The following THADA variants were observed in gnomAD, a reference collection of about 807,000 sequenced individuals.
THADA encodes tRNA (32-2'-O)-methyltransferase regulator THADA.
THADA carries 213 observed loss-of-function variants against 219.8 expected under a neutral mutation model. The ratio of observed to expected loss-of-function variants is 0.97; its 90% CI spans 0.87 to 1.09. THADA has a LOEUF of 1.09. Among genes scored for constraint, THADA ranks in the 50% least tolerant of loss-of-function variants. The pLI, the probability that THADA is intolerant of heterozygous loss-of-function variation, is 0.00. For missense variants in THADA, 2,956 were observed against 2,311.3 expected, an observed-to-expected ratio of 1.28 and a Z score of -5.72; for synonymous variants, 1,018 against 828.9, an observed-to-expected ratio of 1.23 and a Z score of -3.92.
At chr2:43,419,083 T>C (rs551769661) in intron 28 of THADA, among the ~76,000 whole-genome samples, 1 of 152,230 alleles carries the variant, frequency 6.6e-6, no homozygotes, top group African/African-American at 2.4e-5. Context: ...GGTTTCTCCA[T>C]GGACAGAACC....
chr2:43,519,576 C>G (rs1264721526), intron 22 of THADA, among the ~76,000 whole-genome samples: 1 of 152,216 alleles, frequency 6.6e-6, no homozygotes, highest in Non-Finnish European at 1.5e-5. Context: ...CCCTCTCTTA[C>G]TTCCACAGTT....
chr2:43,479,401 G>C (rs1179692753), intron 26 of THADA, among the ~76,000 whole-genome samples: 2 of 152,018 alleles, frequency 1.3e-5, no homozygotes, highest in Non-Finnish European at 2.9e-5. Context: ...AATGAGACTG[G>C]ATGACTTCCT....
At chr2:43,447,278 C>A (rs62137425) in intron 26 of THADA, among the ~76,000 whole-genome samples, 9 of 152,220 alleles carry the variant, frequency 5.9e-5, no homozygotes, top group Admixed American at 1.3e-4. Flanking sequence ...GGGGTCACAG[C>A]CAAATCATAT....
chr2:43,510,255 A>G lies in THADA; in HGVS notation c.3375-1475T>C, dbSNP rs369169558. On this transcript the variant is annotated intron_variant, in intron 22 of 37. Transcript: ENST00000405975. The stretch of plus-strand genomic sequence containing the variant: ...TTTTAGAATACTTCAGCAAACAACA[A>G]TAAAAAGGGATAGATGAAGCAGTTG... Among the ~76,000 whole-genome samples, 186 of 152,308 alleles carry G rather than the reference A, an allele frequency of 1.2e-3. 2 individuals carry two copies. Among genetic ancestry groups the G allele is most frequent in the African/African-American group, 4.3e-3 (178 of 41,572 alleles).
Position 43,577,074 on chromosome 2 carries a change from C to T in THADA, c.985G>A (p.Gly329Arg). 1 of 1,613,572 alleles carries T rather than the reference C, an allele frequency of 6.2e-7. No homozygotes were observed. Among genetic ancestry groups the T allele is most frequent in the East Asian group, 2.2e-5 (1 of 44,878 alleles). The change falls in exon 10 of 38, where the codon GGG (glycine) becomes AGG (arginine). Residue 329 changes from glycine to arginine, a missense_variant. Physicochemically the swap from Gly to Arg is moderately radical, Grantham distance 125 (BLOSUM62 -2). Coordinates refer to ENST00000405975, the MANE Select transcript of THADA (RefSeq NM_022065.5). ...DWQNGSMGRSGEALLLDTAHV... is the reference protein window; with the variant it reads ...DWQNGSMGRSREALLLDTAHV... ...GCAGTATCCAAGAGCAGGGCCTCCC[C>T]ACTCCGACCCATGCTTCCGTTCTGC...
chr2:43,362,507 T>A (rs1295078905), intron 29 of THADA, among the ~76,000 whole-genome samples: 1 of 152,172 alleles, frequency 6.6e-6, no homozygotes, highest in Non-Finnish European at 1.5e-5. Context: ...ATGCTATTAA[T>A]ATAAAGGATT....
intron 31 of THADA, among the ~76,000 whole-genome samples, chr2:43,319,980 G>C (rs1678504782): frequency 6.6e-6 from 1 of 152,172 alleles, no homozygotes; most frequent in African/African-American, 2.4e-5. Context: ...ACATGACCAA[G>C]AAACATGTGG....
At chr2:43,582,569 C>CTTTT (rs755116429) in intron 7 of THADA, among the ~76,000 whole-genome samples, 17 of 119,394 alleles carry the variant, frequency 1.4e-4, no homozygotes, top group African/African-American at 4.6e-4. Flanking sequence ...CCCTCCCTGG[C>CTTTT]TTTTTTTTTT....
intron 14 of THADA, 99 bp from the exon 15 acceptor site, chr2:43,566,920 A>C (rs62138777): frequency 3.6e-6 from 3 of 836,340 alleles, no homozygotes; most frequent in Admixed American, 7.7e-5. Flanking sequence ...TTTTGTTTTC[A>C]ATTTAAAAAT....
intron 36 of THADA, among the ~76,000 whole-genome samples, chr2:43,277,643 T>C (rs996296335): frequency 6.6e-5 from 10 of 152,240 alleles, no homozygotes; most frequent in African/African-American, 2.2e-4. Flanking sequence ...TTGTATTTCT[T>C]TCTTCGAGGA....
chr2:43,294,795 C>T (rs978867876), intron 31 of THADA, among the ~76,000 whole-genome samples: 4 of 151,768 alleles, frequency 2.6e-5, no homozygotes, highest in African/African-American at 9.7e-5. Flanking sequence ...GTTTAAGAAA[C>T]GCTGAAGGTC....
intron 28 of THADA, among the ~76,000 whole-genome samples, chr2:43,414,279 T>C (rs1369624897): frequency 6.6e-6 from 1 of 152,230 alleles, no homozygotes; most frequent in East Asian, 1.9e-4. Context: ...TTTTTAAGTG[T>C]ACAGTTCAGT....
intron 26 of THADA, among the ~76,000 whole-genome samples, chr2:43,441,874 T>A (rs1394680773): frequency 6.6e-6 from 1 of 152,208 alleles, no homozygotes; most frequent in Non-Finnish European, 1.5e-5. Context: ...TGATCGTATT[T>A]TTTTCACAAA....
chr2:43,460,135 G>C (rs1683451670), intron 26 of THADA, among the ~76,000 whole-genome samples: 1 of 146,496 alleles, frequency 6.8e-6, no homozygotes, highest in South Asian at 2.2e-4. Context: ...TCCCACCTGA[G>C]TTATCATCTG....
At chr2:43,361,896 A>C (rs1473945676) in intron 29 of THADA, among the ~76,000 whole-genome samples, 1 of 152,226 alleles carries the variant, frequency 6.6e-6, no homozygotes, top group Non-Finnish European at 1.5e-5. Flanking sequence ...TGACCCTTGA[A>C]GGTATTAACT....
intron 29 of THADA, among the ~76,000 whole-genome samples, chr2:43,347,170 AG>A (rs1261147118): frequency 2.6e-5 from 4 of 152,218 alleles, no homozygotes; most frequent in Non-Finnish European, 5.9e-5. Flanking sequence ...GGGCAGAGAT[AG>A]GTGTAAACCA....
At chr2:43,592,623 C>G (rs1701694019) in intron 1 of THADA, among the ~76,000 whole-genome samples, 1 of 152,136 alleles carries the variant, frequency 6.6e-6, no homozygotes, top group Admixed American at 6.5e-5. Flanking sequence ...TGTGAAGTGT[C>G]CCCTGGGGAG....
Position 43,574,700 on chromosome 2 carries a change from G to C in THADA, c.1365C>G (p.Tyr455Ter), listed in dbSNP as rs1034660406. 2 of 1,614,012 alleles carry C rather than the reference G, an allele frequency of 1.2e-6. No homozygotes were observed. The highest frequency in any genetic ancestry group is 1.7e-6 in the Non-Finnish European group (2 of 1,179,896). The part of the protein sequence containing the change: ...LRLEWHIKGK[Y>*]TCLGCLVECI... The stretch of plus-strand genomic sequence containing the variant: ...ACTCTACCAAACAACCAAGGCACGT[G>C]TACTTTCCTTTAATATGCCATTCCA... Residue 455 changes from tyrosine (Y) to a stop codon, truncating the protein, a stop_gained, in exon 11 of 38, where the codon TAC becomes TAG. Coordinates refer to ENST00000405975, the MANE Select transcript of THADA (RefSeq NM_022065.5). LOFTEE classifies it high-confidence loss of function.
intron 14 of THADA, among the ~76,000 whole-genome samples, chr2:43,568,438 C>A (rs1698927156): frequency 6.6e-6 from 1 of 152,172 alleles, no homozygotes; most frequent in Non-Finnish European, 1.5e-5. Context: ...GCCAAGGTCA[C>A]AACCTCTAAA....
Sources: gnomAD v4.1 joint callset for allele counts (sites outside exome capture counted in the v4.1 genomes callset) on GRCh38, gnomAD v4.1.1 for gene constraint, MANE v1.5 for transcripts, NCBI Gene and HGNC (gene_info 2026-07-23, HGNC 2026-07-21) for gene names.